The following HCN1 variants were observed in gnomAD, a reference collection of about 807,000 sequenced individuals.
The protein encoded by HCN1 is potassium/sodium hyperpolarization-activated cyclic nucleotide-gated channel 1.
HCN1 carries 13 observed loss-of-function variants against 78.9 expected under a neutral mutation model. That is an observed-to-expected ratio of 0.16 (90% CI 0.11 to 0.26). The LOEUF is 0.26. HCN1 is among the 10% of genes least tolerant of loss of function. The pLI is 1.00. For synonymous variants in HCN1, 552 were observed against 455.5 expected (o/e 1.21, Z -2.70); for missense variants, 810 against 1,154.3 (o/e 0.70, Z 4.32).
At chr5:45,320,815 G>A (rs964343795) in intron 5 of HCN1, among the ~76,000 whole-genome samples, 6 of 151,770 alleles carry the variant, frequency 4.0e-5, no homozygotes, top group African/African-American at 1.5e-4. Context: ...AATCCGAATG[G>A]TTTTTAAAAA....
intron 6 of HCN1, among the ~76,000 whole-genome samples, chr5:45,291,510 C>T (rs1332467833): frequency 6.6e-6 from 1 of 151,956 alleles, no homozygotes. Context: ...AACGTTTCTC[C>T]CTCAGATTGT....
chr5:45,666,012 C>T lies in HCN1; in HGVS notation c.426-20404G>A, dbSNP rs142288283. ...TGTAAGTACTTGTAATACTCTCCCC[C>T]CAAGTTCTCTTCTTGACATTCTCCA... On this transcript the variant is annotated intron_variant, in intron 1 of 7. Transcript: ENST00000303230. Among the ~76,000 whole-genome samples the T allele has an allele frequency of 1.4e-3, 212 of 152,102 alleles. 1 individual carries two copies. Among genetic ancestry groups the T allele is most frequent in the Admixed American group, 4.8e-3 (73 of 15,246 alleles).
At chr5:45,417,771 A>C (rs1347357392) in intron 3 of HCN1, among the ~76,000 whole-genome samples, 1 of 150,074 alleles carries the variant, frequency 6.7e-6, no homozygotes, top group African/African-American at 2.4e-5. Flanking sequence ...AAAAAAAAAA[A>C]AAAAAACAAG....
intron 5 of HCN1, among the ~76,000 whole-genome samples, chr5:45,328,512 A>T (rs996983397): frequency 6.6e-6 from 1 of 151,528 alleles, no homozygotes; most frequent in African/African-American, 2.4e-5. Context: ...ATTTATTTGG[A>T]GAAGTCAGAT....
chr5:45,659,313 T>C (rs1398285479), intron 1 of HCN1, among the ~76,000 whole-genome samples: 2 of 120,518 alleles, frequency 1.7e-5, no homozygotes, highest in Non-Finnish European at 3.4e-5. Context: ...TACATCAACA[T>C]CATCAAAGAC....
chr5:45,539,919 G>GAGATAT (rs1416474280), intron 2 of HCN1, among the ~76,000 whole-genome samples: 1 of 126,106 alleles, frequency 7.9e-6, no homozygotes, highest in African/African-American at 3.3e-5. Context: ...TAAATTGTGA[G>GAGATAT]ATATATATAT....
intron 6 of HCN1, among the ~76,000 whole-genome samples, chr5:45,278,874 C>CT (rs1042446031): frequency 2.0e-5 from 3 of 151,766 alleles, no homozygotes; most frequent in East Asian, 1.9e-4. Flanking sequence ...TATTGAACTG[C>CT]TTTTTTTAAA....
At chr5:45,417,918 G>A (rs577537424) in intron 3 of HCN1, among the ~76,000 whole-genome samples, 1 of 151,750 alleles carries the variant, frequency 6.6e-6, no homozygotes, top group Non-Finnish European at 1.5e-5. Flanking sequence ...CAAATAAAAA[G>A]ATAGAAAAAC....
chr5:45,466,369 A>G (rs1741271464), intron 2 of HCN1, among the ~76,000 whole-genome samples: 1 of 152,222 alleles, frequency 6.6e-6, no homozygotes, highest in Non-Finnish European at 1.5e-5. Context: ...AACTGCTTTT[A>G]GTCGTTGACT....
chr5:45,278,813 T>C (rs1745110640), intron 6 of HCN1, among the ~76,000 whole-genome samples: 1 of 152,112 alleles, frequency 6.6e-6, no homozygotes, highest in Non-Finnish European at 1.5e-5. Flanking sequence ...AGGCTTGTTT[T>C]GAACAGACGG....
intron 2 of HCN1, among the ~76,000 whole-genome samples, chr5:45,487,414 A>G (rs1421413517): frequency 6.6e-6 from 1 of 152,056 alleles, no homozygotes; most frequent in Non-Finnish European, 1.5e-5. Flanking sequence ...TTGTACATTT[A>G]AAAGGTTAGT....
chr5:45,423,560 T>C (rs1740271566), intron 3 of HCN1, among the ~76,000 whole-genome samples: 1 of 151,714 alleles, frequency 6.6e-6, no homozygotes, highest in African/African-American at 2.4e-5. Flanking sequence ...GTCTTCTCTG[T>C]CTACATATTT....
chr5:45,446,223 G>C (rs899165392), intron 3 of HCN1, among the ~76,000 whole-genome samples: 3 of 152,206 alleles, frequency 2.0e-5, no homozygotes, highest in Non-Finnish European at 4.4e-5. Context: ...GCCAAGGCTC[G>C]AGAACTATGT....
In HCN1 at chr5:45,262,504, C is replaced by G; in HGVS notation, c.2090G>C (p.Cys697Ser). The change falls in exon 8 of 8, where the codon TGC becomes TCC. Residue 697 changes from cysteine to serine, a missense_variant. By Grantham distance (112) the Cys-to-Ser change is moderately radical. Around this residue, in one of 6 missense-constraint regions of HCN1, gnomAD observed 398 missense variants for 381.3 expected, o/e 1.04. Transcript: ENST00000303230. The stretch of plus-strand genomic sequence containing the variant: ...GCTGCAGACCGCGGTGGTGTAGGAG[C>G]AGGGTGACAGGATGGCTGATGGCTG... The part of the protein sequence containing the change: ...TPQPSAILSP[C>S]SYTTAVCSPP... 6.2e-7 allele frequency: 1 copy of G among 1,613,042 alleles called. No individual in the cohort carries two copies. The highest frequency in any genetic ancestry group is 8.5e-7 in the Non-Finnish European group (1 of 1,179,816).
At chr5:45,560,567 T>C (rs560999702) in intron 2 of HCN1, among the ~76,000 whole-genome samples, 78 of 151,968 alleles carry the variant, frequency 5.1e-4, no homozygotes, top group Non-Finnish European at 4.7e-4. Context: ...ATTTTTGAAA[T>C]AGTGATACAT....
At chr5:45,533,219 G>A (rs147826374) in intron 2 of HCN1, among the ~76,000 whole-genome samples, 6 of 152,186 alleles carry the variant, frequency 3.9e-5, no homozygotes, top group Admixed American at 6.5e-5. Flanking sequence ...TTGCACATTT[G>A]TAAAATGAGG....
chr5:45,265,339 T>C (rs777495580), intron 7 of HCN1, among the ~76,000 whole-genome samples: 1 of 152,180 alleles, frequency 6.6e-6, no homozygotes, highest in African/African-American at 2.4e-5. Flanking sequence ...TAGAAATTAG[T>C]CTCTGTCTCT....
chr5:45,571,297 T>C (rs1156856296), intron 2 of HCN1, among the ~76,000 whole-genome samples: 4 of 152,164 alleles, frequency 2.6e-5, no homozygotes, highest in Non-Finnish European at 5.9e-5. Flanking sequence ...TGGTGTAAAA[T>C]TGGGTATGTA....
At chr5:45,433,951 T>C (rs1354355079) in intron 3 of HCN1, among the ~76,000 whole-genome samples, 2 of 152,212 alleles carry the variant, frequency 1.3e-5, no homozygotes, top group Admixed American at 6.5e-5. Flanking sequence ...TGGTTTATCC[T>C]TAAACTTAAC....
Sources: gnomAD v4.1 joint callset for allele counts (sites outside exome capture counted in the v4.1 genomes callset) on GRCh38, gnomAD v4.1.1 for gene constraint, gnomAD v4.1.1 regional missense constraint, MANE v1.5 for transcripts, NCBI Gene and HGNC (gene_info 2026-07-23, HGNC 2026-07-21) for gene names.